Variants in ROBO1 observed in about 807,000 individuals in gnomAD.
The protein encoded by ROBO1 is roundabout guidance receptor 1, also known as roundabout homolog 1.
Under a neutral mutation model 195.9 loss-of-function variants are expected in ROBO1, and 149 were observed. The observed-to-expected ratio is 0.76, with a 90% CI of 0.67 to 0.87. ROBO1 has a LOEUF of 0.87. ROBO1 is among the 40% of genes least tolerant of loss of function. The pLI, the probability that ROBO1 is intolerant of heterozygous loss-of-function variation, is 0.00. For missense variants in ROBO1, 1,933 were observed against 2,068.3 expected (o/e 0.93, Z 1.27); for synonymous variants, 816 against 733.2 (o/e 1.11, Z -1.82).
chr3:78,693,192 C>T, intron 8 of ROBO1: 2 of 977,882 alleles, frequency 2.0e-6, no homozygotes, highest in East Asian at 2.7e-5. Context: ...TTCCTGCAGA[C>T]TTTATTCTGT....
At chr3:79,007,921 T>C (rs979875842) in intron 3 of ROBO1, among the ~76,000 whole-genome samples, 1 of 152,210 alleles carries the variant, frequency 6.6e-6, no homozygotes, top group African/African-American at 2.4e-5. Flanking sequence ...GATTATTAAA[T>C]AATGCTCTTT....
intron 2 of ROBO1, among the ~76,000 whole-genome samples, chr3:79,242,803 G>T (rs1319978141): frequency 6.6e-6 from 1 of 152,038 alleles, no homozygotes; most frequent in African/African-American, 2.4e-5. Flanking sequence ...GACTGTCTGT[G>T]ATGTCCCAGC....
intron 1 of ROBO1, among the ~76,000 whole-genome samples, chr3:79,689,824 G>A (rs534986072): frequency 4.5e-4 from 68 of 152,006 alleles, no homozygotes; most frequent in South Asian, 6.2e-4. Flanking sequence ...GTAGCAAAAT[G>A]TCTACACAGA....
chr3:79,607,268 GAATA>G (rs1241817423), intron 1 of ROBO1, among the ~76,000 whole-genome samples: 2 of 150,834 alleles, frequency 1.3e-5, no homozygotes, highest in African/African-American at 2.4e-5. Flanking sequence ...TTATCTTTGT[GAATA>G]AATTATATAA....
intron 1 of ROBO1, among the ~76,000 whole-genome samples, chr3:79,671,662 A>G (rs1412258896): frequency 5.3e-5 from 8 of 151,896 alleles, no homozygotes; most frequent in Admixed American, 6.6e-5. Flanking sequence ...GATATGGTTA[A>G]GTTTCTTAAG....
chr3:78,841,509 T>C (rs112367113), intron 4 of ROBO1, among the ~76,000 whole-genome samples: 5 of 152,128 alleles, frequency 3.3e-5, no homozygotes, highest in African/African-American at 1.2e-4. Flanking sequence ...TTATTGACAA[T>C]TGACTCGACC....
At chr3:79,028,211 T>A (rs2078235528) in intron 3 of ROBO1, among the ~76,000 whole-genome samples, 1 of 151,922 alleles carries the variant, frequency 6.6e-6, no homozygotes, top group South Asian at 2.1e-4. Flanking sequence ...AAAGAAAAAA[T>A]ATTCCAATAA....
chr3:78,714,313 C>A (rs1194961242), intron 8 of ROBO1, 84 bp downstream of exon 8: 1 of 1,332,120 alleles, frequency 7.5e-7, no homozygotes, highest in South Asian at 1.5e-5. Flanking sequence ...TGTAACATAG[C>A]CCTATACATA....
chr3:79,449,033 C>A (rs2039360760), intron 2 of ROBO1, among the ~76,000 whole-genome samples: 1 of 151,980 alleles, frequency 6.6e-6, no homozygotes, highest in Non-Finnish European at 1.5e-5. Context: ...AGTTTGAGAC[C>A]AGCTGGGCAC....
chr3:78,922,487 T>C (rs1327586143), intron 4 of ROBO1, among the ~76,000 whole-genome samples: 2 of 152,068 alleles, frequency 1.3e-5, no homozygotes, highest in African/African-American at 4.8e-5. Flanking sequence ...TAGTCAGAGC[T>C]AACTAATTTA....
intron 2 of ROBO1, among the ~76,000 whole-genome samples, chr3:79,351,607 T>C (rs954579351): frequency 1.3e-5 from 2 of 152,208 alleles, no homozygotes; most frequent in African/African-American, 4.8e-5. Context: ...CATAGTTCTT[T>C]GCCTATAAGA....
intron 2 of ROBO1, among the ~76,000 whole-genome samples, chr3:79,200,554 AAC>A: frequency 1.3e-5 from 2 of 151,956 alleles, no homozygotes; most frequent in African/African-American, 4.8e-5. Context: ...GTAATAAGAA[AAC>A]ACAGCCTGGA....
In ROBO1 at chr3:78,974,472, T is replaced by C. The variant is rs149420153; in HGVS notation, c.173-35545A>G. ...ACCAGTCGATTAGTCAGCTTGGCAA[T>C]AGAAGGATAGATAGTTTTACGAAAT... On this transcript the variant is annotated intron_variant, in intron 3 of 30. Transcript: ENST00000464233. Among the ~76,000 whole-genome samples the C allele has an allele frequency of 1.2e-3, 183 of 152,174 alleles. 1 individual carries two copies. Among genetic ancestry groups the C allele is most frequent in the Non-Finnish European group, 1.9e-3 (130 of 67,986 alleles).
chr3:78,979,481 C>A (rs902409031), intron 3 of ROBO1, among the ~76,000 whole-genome samples: 1 of 152,192 alleles, frequency 6.6e-6, no homozygotes, highest in Non-Finnish European at 1.5e-5. Flanking sequence ...TAAAAGATTT[C>A]TGTCTCCTCA....
At chr3:79,701,388 T>G (rs996687143) in intron 1 of ROBO1, among the ~76,000 whole-genome samples, 1 of 151,622 alleles carries the variant, frequency 6.6e-6, no homozygotes, top group African/African-American at 2.4e-5. Flanking sequence ...TCTATCCTAT[T>G]AGCTGGACAT....
At chr3:78,834,668 T>C (rs540524399) in intron 4 of ROBO1, among the ~76,000 whole-genome samples, 1 of 152,166 alleles carries the variant, frequency 6.6e-6, no homozygotes, top group Admixed American at 6.5e-5. Context: ...CAAATATTGC[T>C]AAATCTACTG....
intron 2 of ROBO1, among the ~76,000 whole-genome samples, chr3:79,272,651 A>G (rs1330527496): frequency 6.6e-6 from 1 of 152,096 alleles, no homozygotes; most frequent in African/African-American, 2.4e-5. Context: ...ATTGGAATGC[A>G]GTGCATTGCA....
intron 2 of ROBO1, among the ~76,000 whole-genome samples, chr3:79,563,558 C>A (rs894382026): frequency 6.6e-5 from 10 of 151,954 alleles, no homozygotes; most frequent in African/African-American, 1.9e-4. Context: ...GGGAGAAAAA[C>A]AGCCATAGTC....
intron 3 of ROBO1, among the ~76,000 whole-genome samples, chr3:79,066,107 C>T (rs956940919): frequency 6.6e-6 from 1 of 151,872 alleles, no homozygotes; most frequent in African/African-American, 2.4e-5. Context: ...CAGGAACATA[C>T]TGAGCTACAA....
Sources: gnomAD v4.1 joint callset for allele counts (sites outside exome capture counted in the v4.1 genomes callset) on GRCh38, gnomAD v4.1.1 for gene constraint, MANE v1.5 for transcripts, NCBI Gene and HGNC (gene_info 2026-07-23, HGNC 2026-07-21) for gene names.